The following AMBRA1 variants were observed in gnomAD, a reference collection of about 807,000 sequenced individuals.
AMBRA1 encodes the protein autophagy and beclin 1 regulator 1.
A neutral mutation model predicts 125.4 loss-of-function variants in AMBRA1; 47 were observed. That is an observed-to-expected ratio of 0.37 (90% CI 0.30 to 0.48). The LOEUF (loss-of-function observed/expected upper bound fraction) is 0.48, where lower values mean the gene tolerates loss of function less well. Among genes scored for constraint, AMBRA1 ranks in the 20% least tolerant of loss-of-function variants. The probability of loss-of-function intolerance (pLI) is 0.99; values close to 1 mark genes in which losing one functional copy is unlikely to be tolerated. For synonymous variants in AMBRA1, 626 were observed against 655.5 expected, an observed-to-expected ratio of 0.95 and a Z score of 0.69; for missense variants, 1,331 against 1,693.4, an observed-to-expected ratio of 0.79 and a Z score of 3.76.
At chr11:46,547,978 G>A (rs1335864139) in intron 2 of AMBRA1, 103 bp from the exon 3 acceptor site, 2 of 1,370,390 alleles carry the variant, frequency 1.5e-6, no homozygotes. Context: ...CATTCACAGT[G>A]TAGGCTTAAA....
At chr11:46,529,758 C>A (rs1163372727) in intron 7 of AMBRA1, among the ~76,000 whole-genome samples, 1 of 152,060 alleles carries the variant, frequency 6.6e-6, no homozygotes, top group Non-Finnish European at 1.5e-5. Flanking sequence ...AAAAAACATC[C>A]AAATTTTTAG....
At chr11:46,428,923 G>A in intron 14 of AMBRA1, 1 of 1,611,976 alleles carries the variant, frequency 6.2e-7, no homozygotes, top group Non-Finnish European at 8.5e-7. Context: ...GGAGATACTG[G>A]ATACCCTCAT....
chr11:46,583,381 C>T (rs933294320), intron 1 of AMBRA1, among the ~76,000 whole-genome samples: 1 of 151,480 alleles, frequency 6.6e-6, no homozygotes, highest in Non-Finnish European at 1.5e-5. Context: ...AACGTTAGAC[C>T]TAAAACCATA....
At chr11:46,463,317 C>A (rs1294508018) in intron 11 of AMBRA1, among the ~76,000 whole-genome samples, 1 of 152,146 alleles carries the variant, frequency 6.6e-6, no homozygotes, top group East Asian at 1.9e-4. Context: ...ATCTGAATCC[C>A]CATAGTACAT....
chr11:46,486,908 CATAA>C (rs56834227), intron 11 of AMBRA1, among the ~76,000 whole-genome samples: 40,473 of 139,002 alleles, frequency 0.29, 5,998 homozygotes, highest in South Asian at 0.32. Flanking sequence ...TCCATCTCAA[CATAA>C]ATAAATAAAT....
intron 9 of AMBRA1, among the ~76,000 whole-genome samples, chr11:46,502,396 G>C (rs1950876106): frequency 6.6e-6 from 1 of 152,194 alleles, no homozygotes; most frequent in South Asian, 2.1e-4. Context: ...TAATATTAGA[G>C]TCTGTGGCTC....
rs2044701245 is a variant in AMBRA1, at chr11:46,594,012, T to A, written c.-305A>T. 5.0e-6 allele frequency: 2 copies of A among 398,358 alleles called. No homozygotes were observed. The highest frequency in any genetic ancestry group is 2.1e-5 in the African/African-American group (1 of 48,582). 24.7% of individuals were successfully genotyped at this position (398,358 alleles called of 1,614,324 possible). On this transcript the variant is annotated 5_prime_UTR_variant, in exon 1 of 18. The change abolishes an upstream ATG in the 5' untranslated region. Transcript: ENST00000683756. ...CGGCGCCGCCGCCGCTCAGGAGACA[T>A]CAAGCAAGAAGACGGCGCAAAAGAT...
intron 7 of AMBRA1, among the ~76,000 whole-genome samples, chr11:46,517,421 T>C (rs1951540911): frequency 6.7e-6 from 1 of 149,912 alleles, no homozygotes; most frequent in Admixed American, 6.6e-5. Context: ...AGTGCTAGGA[T>C]TACAGGCGTA....
At chr11:46,501,534 A>C (rs1393304293) in intron 9 of AMBRA1, among the ~76,000 whole-genome samples, 1 of 152,264 alleles carries the variant, frequency 6.6e-6, no homozygotes, top group African/African-American at 2.4e-5. Context: ...ATAATCATAC[A>C]GATGCACAAC....
intron 11 of AMBRA1, among the ~76,000 whole-genome samples, chr11:46,463,663 C>T (rs1949196675): frequency 6.6e-6 from 1 of 152,194 alleles, no homozygotes; most frequent in Admixed American, 6.5e-5. Flanking sequence ...CAGAATGGCA[C>T]TTCCAAAATT....
At chr11:46,544,946 G>GC (rs1252240238) in intron 5 of AMBRA1, among the ~76,000 whole-genome samples, 5 of 151,764 alleles carry the variant, frequency 3.3e-5, no homozygotes, top group South Asian at 2.1e-4. Context: ...GTGAGGCCCC[G>GC]CCCCCCAAAT....
At chr11:46,527,783 T>TA (rs1262210396) in intron 7 of AMBRA1, among the ~76,000 whole-genome samples, 4 of 150,334 alleles carry the variant, frequency 2.7e-5, no homozygotes, top group Non-Finnish European at 5.9e-5. Flanking sequence ...ATGACCACTA[T>TA]AAAAAGAAAA....
chr11:46,586,090 C>T (rs995490325), intron 1 of AMBRA1, among the ~76,000 whole-genome samples: 1 of 152,128 alleles, frequency 6.6e-6, no homozygotes, highest in African/African-American at 2.4e-5. Flanking sequence ...AGGCATTAGC[C>T]ACTGCACCCA....
chr11:46,488,697 T>C (rs1041088541), intron 11 of AMBRA1, among the ~76,000 whole-genome samples: 6 of 152,162 alleles, frequency 3.9e-5, no homozygotes, highest in African/African-American at 1.4e-4. Context: ...GAAGAGCCTA[T>C]ATACTAAGCC....
intron 11 of AMBRA1, among the ~76,000 whole-genome samples, chr11:46,466,922 CTTTT>C (rs11313362): frequency 2.8e-5 from 3 of 105,776 alleles, no homozygotes; most frequent in Non-Finnish European, 4.1e-5. Flanking sequence ...TTTCTTTTTT[CTTTT>C]TTTTTTTTTT....
intron 14 of AMBRA1, among the ~76,000 whole-genome samples, chr11:46,424,087 T>C (rs1037086401): frequency 6.6e-6 from 1 of 152,174 alleles, no homozygotes; most frequent in Non-Finnish European, 1.5e-5. Flanking sequence ...TTAAAGTGAT[T>C]ATTTAAAAAC....
At position 46,428,765 on chromosome 11, in the gene AMBRA1, C is replaced by T. The variant is rs1227706722; in HGVS notation, c.2976+4709G>A. On this transcript the variant is annotated intron_variant, in intron 14 of 17. Coordinates refer to ENST00000683756, the MANE Select transcript of AMBRA1 (RefSeq NM_001387011.1). The stretch of plus-strand genomic sequence containing the variant: ...GTCGGCACCAGGTGGCACAGCACTC[C>T]GTCTGTAGGTATCTCTGTCAGCTTC... 3.7e-6 allele frequency: 6 copies of T among 1,610,818 alleles called. No individual in the cohort carries two copies. In the South Asian group the frequency reaches 4.4e-5, roughly 12 times the overall value.
At chr11:46,496,139 T>A (rs1374272732) in intron 9 of AMBRA1, among the ~76,000 whole-genome samples, 1 of 151,830 alleles carries the variant, frequency 6.6e-6, no homozygotes, top group African/African-American at 2.4e-5. Flanking sequence ...TCTGGGAGGC[T>A]GAGGCAGGAG....
chr11:46,542,938 T>C lies in AMBRA1; in HGVS notation c.1079A>G (p.Gln360Arg), dbSNP rs1446622444. 6.8e-6 allele frequency: 11 copies of C among 1,609,544 alleles called. No individual in the cohort carries two copies. Among genetic ancestry groups the C allele is most frequent in the Non-Finnish European group, 9.3e-6 (11 of 1,179,972 alleles). The stretch of plus-strand genomic sequence containing the variant: ...CGGCCGGTTCAGGAGGCCCTGGTCC[T>C]GCTGCGTTGACGAGGCCTGCTCCGG... ...HPPEQASSTQ[Q>R]DQGLLNRPSA... The change falls in exon 7 of 18, where the codon CAG (glutamine) becomes CGG (arginine). Residue 360 changes from glutamine (Q) to arginine (R), a missense_variant. Transcript: ENST00000683756. This position sits in a 1 kb window ranked among gnomAD's most constrained non-coding sequence, Gnocchi z 5.9.
Sources: gnomAD v4.1 joint callset for allele counts (sites outside exome capture counted in the v4.1 genomes callset) on GRCh38, gnomAD v4.1.1 for gene constraint, Gnocchi (gnomAD v3.1) non-coding constraint, MANE v1.5 for transcripts, NCBI Gene and HGNC (gene_info 2026-07-23, HGNC 2026-07-21) for gene names.